The following BBS9 variants were observed in gnomAD, a reference collection of about 807,000 sequenced individuals.
BBS9 encodes the protein Bardet-Biedl syndrome 9.
BBS9 carries 89 observed loss-of-function variants against 117.7 expected under a neutral mutation model. The ratio of observed to expected loss-of-function variants is 0.76; its 90% confidence interval spans 0.64 to 0.90. The LOEUF is 0.90. BBS9 is among the 40% of genes least tolerant of loss of function. The pLI, the probability that BBS9 is intolerant of heterozygous loss-of-function variation, is 0.00. For missense variants in BBS9, 982 were observed against 1,042.2 expected (o/e 0.94, Z 0.80); for synonymous variants, 379 against 370.9 (o/e 1.02, Z -0.25).
chr7:33,373,549 T>C (rs1450818706), intron 17 of BBS9, among the ~76,000 whole-genome samples: 1 of 152,200 alleles, frequency 6.6e-6, no homozygotes, highest in Non-Finnish European at 1.5e-5. Flanking sequence ...AATGCCAAAC[T>C]GCTTAAGTAT....
At chr7:33,541,326 G>C (rs1179193970) in intron 21 of BBS9, among the ~76,000 whole-genome samples, 6 of 152,018 alleles carry the variant, frequency 3.9e-5, no homozygotes. Flanking sequence ...CAGTCACCAA[G>C]ACCTGATGAT....
chr7:33,474,172 C>T (rs1004161419), intron 19 of BBS9, among the ~76,000 whole-genome samples: 3 of 152,090 alleles, frequency 2.0e-5, no homozygotes, highest in Non-Finnish European at 4.4e-5. Flanking sequence ...TGCCATGTGG[C>T]CTGTTAGTTT....
In BBS9 at chr7:33,508,785, A is replaced by G. The variant is rs1253339497; in HGVS notation, c.2298+3140A>G. On this transcript the variant is annotated intron_variant, in intron 20 of 22. Coordinates refer to ENST00000242067, the MANE Select transcript of BBS9 (RefSeq NM_198428.3). ...TTGAATGCTCATGAAGCTGGCCCTG[A>G]AGCATGGTTAGACTCAAAGGAAGAC... 2.0e-5 allele frequency among the ~76,000 whole-genome samples: 3 copies of G among 152,226 alleles called. No individual in the cohort carries two copies. The East Asian group carries it at 5.8e-4, about 29-fold the overall frequency.
At chr7:33,312,428 T>C (rs1217047039) in intron 9 of BBS9, among the ~76,000 whole-genome samples, 2 of 152,186 alleles carry the variant, frequency 1.3e-5, no homozygotes, top group Non-Finnish European at 1.5e-5. Flanking sequence ...TGAATGCTTA[T>C]TGAATGAGGG....
chr7:33,274,181 T>C (rs956210261), intron 9 of BBS9, among the ~76,000 whole-genome samples: 1 of 152,230 alleles, frequency 6.6e-6, no homozygotes, highest in Non-Finnish European at 1.5e-5. Context: ...ATATCCTTAG[T>C]AAATTAAAGG....
intron 8 of BBS9, 143 bp downstream of exon 8, chr7:33,273,338 A>G: frequency 2.2e-6 from 2 of 898,648 alleles, no homozygotes; most frequent in African/African-American, 1.7e-5. Flanking sequence ...TTAACTTTCA[A>G]AGTTTGAATG....
intron 9 of BBS9, among the ~76,000 whole-genome samples, chr7:33,315,742 G>A (rs1023936226): frequency 2.6e-5 from 4 of 152,234 alleles, no homozygotes; most frequent in African/African-American, 9.6e-5. Flanking sequence ...AGGTGTGTTG[G>A]TGGTGTCATT....
At chr7:33,415,995 G>A (rs1231838729) in intron 19 of BBS9, among the ~76,000 whole-genome samples, 1 of 151,884 alleles carries the variant, frequency 6.6e-6, no homozygotes, top group African/African-American at 2.4e-5. Flanking sequence ...CACCACATCT[G>A]GTTAACTTTT....
intron 4 of BBS9, among the ~76,000 whole-genome samples, chr7:33,168,932 G>A (rs1027560564): frequency 4.0e-4 from 61 of 152,012 alleles, no homozygotes; most frequent in African/African-American, 1.3e-3. Context: ...CTAGCATTAG[G>A]TATATCTCCC....
intron 19 of BBS9, among the ~76,000 whole-genome samples, chr7:33,492,070 G>A (rs1369226505): frequency 6.6e-6 from 1 of 151,732 alleles, no homozygotes; most frequent in Non-Finnish European, 1.5e-5. Context: ...GGGCGTGGTG[G>A]CGAATGCCTA....
At chr7:33,258,900 A>C (rs540228825) in intron 6 of BBS9, among the ~76,000 whole-genome samples, 1 of 152,214 alleles carries the variant, frequency 6.6e-6, no homozygotes, top group Non-Finnish European at 1.5e-5. Flanking sequence ...AACTGTGGTA[A>C]GTCTCCAACA....
At chr7:33,209,483 A>G (rs1325103306) in intron 5 of BBS9, among the ~76,000 whole-genome samples, 1 of 152,160 alleles carries the variant, frequency 6.6e-6, no homozygotes, top group Non-Finnish European at 1.5e-5. Flanking sequence ...GCTGGGTCAT[A>G]TGGTAGCTCT....
intron 5 of BBS9, among the ~76,000 whole-genome samples, chr7:33,178,380 G>C (rs1202915253): frequency 6.6e-6 from 1 of 152,188 alleles, no homozygotes; most frequent in Non-Finnish European, 1.5e-5. Context: ...TAGCACAAAG[G>C]CCACCTTCAT....
intron 5 of BBS9, among the ~76,000 whole-genome samples, chr7:33,244,369 A>C (rs2128289359): frequency 6.6e-6 from 1 of 152,326 alleles, no homozygotes; most frequent in Middle Eastern, 3.4e-3. Flanking sequence ...TGTTTTACTG[A>C]GTACTTTAGC....
intron 21 of BBS9, among the ~76,000 whole-genome samples, chr7:33,556,389 T>C (rs183667687): frequency 2.6e-4 from 40 of 152,332 alleles, no homozygotes; most frequent in Admixed American, 2.3e-3. Flanking sequence ...TTTTCCTTTC[T>C]GTGAGTTTTC....
intron 19 of BBS9, among the ~76,000 whole-genome samples, chr7:33,442,921 G>C (rs1044899502): frequency 1.3e-5 from 2 of 152,108 alleles, no homozygotes; most frequent in Non-Finnish European, 2.9e-5. Context: ...AAATAGCTTT[G>C]AAAACTGAGG....
At chr7:33,506,940 T>A (rs17170271) in intron 20 of BBS9, among the ~76,000 whole-genome samples, 25,156 of 152,176 alleles carry the variant, frequency 0.17, 2,834 homozygotes, top group East Asian at 0.49. Flanking sequence ...ATGATAGCTG[T>A]CACTTATGAA....
chr7:33,479,536 A>G (rs1842242757), intron 19 of BBS9, among the ~76,000 whole-genome samples: 1 of 152,118 alleles, frequency 6.6e-6, no homozygotes, highest in Non-Finnish European at 1.5e-5. Flanking sequence ...CATTGATTCC[A>G]TGTCTTTGCT....
chr7:33,380,017 G>A (rs1215543516), intron 17 of BBS9: 2 of 153,144 alleles, frequency 1.3e-5, no homozygotes, highest in African/African-American at 2.4e-5. Context: ...ACAAGGAGCT[G>A]CAGCTGAAGG....
Sources: allele counts gnomAD v4.1 joint callset (sites outside exome capture counted in the v4.1 genomes callset), GRCh38; gene constraint gnomAD v4.1.1; transcripts MANE v1.5; gene names NCBI Gene and HGNC (gene_info 2026-07-23, HGNC 2026-07-21).